Variants in CALN1 observed in about 807,000 individuals in gnomAD.
CALN1 encodes the protein calneuron 1, also known as calcium-binding protein 8.
Under a neutral mutation model 30.6 loss-of-function variants are expected in CALN1, and 17 were observed. The observed-to-expected ratio is 0.56, with a 90% CI of 0.38 to 0.83. The LOEUF is 0.83. CALN1 is among the 40% of genes least tolerant of loss of function. CALN1 has a pLI of 0.00. For missense variants in CALN1, 291 were observed against 354.9 expected (o/e 0.82, Z 1.45); for synonymous variants, 156 against 131.4 (o/e 1.19, Z -1.28).
In CALN1 at chr7:71,833,760, A is replaced by C. The variant is rs528163268; in HGVS notation, c.502-23268T>G. Among the ~76,000 whole-genome samples the C allele has an allele frequency of 1.1e-4, 16 of 152,086 alleles. No homozygotes were observed. In the East Asian group the frequency reaches 1.7e-3, roughly 17 times the overall value. ...TCTACACCCCTGTGCCCCTCTAAAA[A>C]GAATTAGCTGGGTTTAGTGGTACAG... On this transcript the variant is annotated intron_variant, in intron 5 of 6. Coordinates refer to ENST00000395275, the MANE Select transcript of CALN1 (RefSeq NM_031468.4).
intron 1 of CALN1, among the ~76,000 whole-genome samples, chr7:72,404,019 C>A (rs558047687): frequency 1.3e-5 from 2 of 152,260 alleles, no homozygotes; most frequent in African/African-American, 4.8e-5. Context: ...GACCTGCAAC[C>A]CATGCATATG....
intron 3 of CALN1, among the ~76,000 whole-genome samples, chr7:72,134,385 G>A (rs1257559198): frequency 6.6e-6 from 1 of 152,142 alleles, no homozygotes; most frequent in Non-Finnish European, 1.5e-5. Context: ...CTTTTCAGAT[G>A]GGAGAAAACA....
At chr7:71,913,326 G>C (rs990618602) in intron 5 of CALN1, among the ~76,000 whole-genome samples, 2 of 152,196 alleles carry the variant, frequency 1.3e-5, no homozygotes, top group South Asian at 2.1e-4. Flanking sequence ...TATAGCCACT[G>C]TTAGGATTCT....
intron 4 of CALN1, chr7:72,103,325 G>T: frequency 5.7e-6 from 1 of 176,212 alleles, no homozygotes; most frequent in South Asian, 1.5e-4. Context: ...TATGACTCTG[G>T]ACTCATTCAG....
chr7:72,336,944 C>A, intron 2 of CALN1: 1 of 985,146 alleles, frequency 1.0e-6, no homozygotes, highest in Non-Finnish European at 1.2e-6. Context: ...CCTGCACGAG[C>A]CCCCTCGTCG....
chr7:72,403,259 G>C lies in CALN1; in HGVS notation c.111C>G (p.Phe37Leu), dbSNP rs1328122015. ...GGGGGAAGAAGACTTGCCAGGTGGGGAAGTCGGGGGCCTGGCTCCTCGGCG... is the reference window on the plus strand; with the variant it reads ...GGGGGAAGAAGACTTGCCAGGTGGGCAAGTCGGGGGCCTGGCTCCTCGGCG... ...EEPPRSQAPD[F>L]PTWEKMPFHH... Residue 37 changes from phenylalanine (F) to leucine (L), a missense_variant, in exon 2 of 7, where the codon TTC (phenylalanine) becomes TTG (leucine). This residue lies in a region of CALN1 where 122 missense variants were observed against 103.2 expected (regional missense o/e 1.18). Transcript: ENST00000395275. 2 of 1,549,250 alleles carry C rather than the reference G, an allele frequency of 1.3e-6. No individual in the cohort carries two copies. Among genetic ancestry groups the C allele is most frequent in the Non-Finnish European group, 1.7e-6 (2 of 1,146,596 alleles).
At chr7:72,413,533 A>G (rs1807311916), upstream of CALN1, among the ~76,000 whole-genome samples, 1 of 151,544 alleles carries the variant, frequency 6.6e-6, no homozygotes, top group Admixed American at 6.6e-5. Flanking sequence ...ATAAACACGC[A>G]CACTCACAAG....
intron 2 of CALN1, among the ~76,000 whole-genome samples, chr7:72,367,773 T>C (rs2129560138): frequency 6.6e-6 from 1 of 152,264 alleles, no homozygotes; most frequent in African/African-American, 2.4e-5. Flanking sequence ...AGTTCCAGGC[T>C]GGAAGAAGCT....
chr7:72,153,198 A>AT, intron 3 of CALN1, among the ~76,000 whole-genome samples: 1 of 152,288 alleles, frequency 6.6e-6, no homozygotes, highest in East Asian at 1.9e-4. Flanking sequence ...GGCTGCAGCA[A>AT]TCTTACCTGC....
chr7:71,973,043 G>A (rs564780675), intron 5 of CALN1, among the ~76,000 whole-genome samples: 42 of 152,208 alleles, frequency 2.8e-4, no homozygotes, highest in African/African-American at 9.6e-4. Flanking sequence ...GGTTCTTTGA[G>A]GGCAAACGCT....
At chr7:72,323,566 G>C (rs931414704) in intron 2 of CALN1, among the ~76,000 whole-genome samples, 5 of 151,896 alleles carry the variant, frequency 3.3e-5, no homozygotes, top group African/African-American at 1.2e-4. Flanking sequence ...AGGAGGCCAA[G>C]GCAGGGGAAT....
intron 5 of CALN1, chr7:71,913,947 G>A (rs566881029): frequency 6.6e-6 from 1 of 152,354 alleles, no homozygotes; most frequent in Non-Finnish European, 1.5e-5. Context: ...CCTGGCTTAT[G>A]GATGACAGAA....
At chr7:71,976,890 C>T (rs1349055826) in intron 5 of CALN1, among the ~76,000 whole-genome samples, 1 of 152,148 alleles carries the variant, frequency 6.6e-6, no homozygotes, top group Non-Finnish European at 1.5e-5. Flanking sequence ...CTGCAATTTG[C>T]ACGTGCAACC....
chr7:72,352,408 AC>A (rs1335020631), intron 2 of CALN1, among the ~76,000 whole-genome samples: 2 of 150,682 alleles, frequency 1.3e-5, no homozygotes, highest in South Asian at 2.1e-4. Context: ...AAAAAAAAAA[AC>A]TTTGAGATTT....
chr7:72,209,669 C>CA (rs1792249775), intron 3 of CALN1, among the ~76,000 whole-genome samples: 1 of 151,904 alleles, frequency 6.6e-6, no homozygotes, highest in South Asian at 2.1e-4. Flanking sequence ...AAAAAGAAAA[C>CA]AAAAAACCCT....
At chr7:71,879,279 G>C (rs1433028577) in intron 5 of CALN1, among the ~76,000 whole-genome samples, 1 of 152,152 alleles carries the variant, frequency 6.6e-6, no homozygotes, top group African/African-American at 2.4e-5. Context: ...TCTGTCCTCT[G>C]AGTAGGGAAC....
intron 5 of CALN1, among the ~76,000 whole-genome samples, chr7:72,006,292 G>A (rs922160266): frequency 1.3e-5 from 2 of 152,002 alleles, no homozygotes; most frequent in Non-Finnish European, 2.9e-5. Context: ...ATTTCATGAA[G>A]GTAAAGAAAA....
intron 5 of CALN1, among the ~76,000 whole-genome samples, chr7:71,821,243 T>G (rs905210050): frequency 1.6e-4 from 24 of 152,266 alleles, no homozygotes; most frequent in African/African-American, 5.5e-4. Context: ...GACATCAAGA[T>G]GAACAAGTGG....
intron 5 of CALN1, among the ~76,000 whole-genome samples, chr7:71,827,028 G>A (rs551879123): frequency 6.6e-6 from 1 of 152,340 alleles, no homozygotes; most frequent in African/African-American, 2.4e-5. Context: ...CCAGCCGGAT[G>A]CACGTAGGGA....
Sources: allele counts gnomAD v4.1 joint callset (sites outside exome capture counted in the v4.1 genomes callset), GRCh38; gene constraint gnomAD v4.1.1; regional missense constraint gnomAD v4.1.1; transcripts MANE v1.5; gene names NCBI Gene and HGNC (gene_info 2026-07-23, HGNC 2026-07-21).